Variants in SIPA1L1 observed in about 807,000 individuals in gnomAD.
SIPA1L1 encodes signal-induced proliferation-associated 1-like protein 1.
Under a neutral mutation model 162.7 loss-of-function variants are expected in SIPA1L1, and 26 were observed. The observed-to-expected ratio is 0.16, with a 90% CI of 0.12 to 0.22. The LOEUF (loss-of-function observed/expected upper bound fraction) is 0.22. Among genes scored for constraint, SIPA1L1 ranks in the 10% least tolerant of loss-of-function variants. The probability of loss-of-function intolerance (pLI) is 1.00; values close to 1 mark genes in which losing one functional copy is unlikely to be tolerated. For missense variants in SIPA1L1, 1,874 were observed against 2,241.0 expected (o/e 0.84, Z 3.31); for synonymous variants, 829 against 837.4 (o/e 0.99, Z 0.17).
intron 20 of SIPA1L1, 33 bp downstream of exon 20, chr14:71,730,334 C>T: frequency 6.2e-7 from 1 of 1,609,128 alleles, no homozygotes; most frequent in Non-Finnish European, 8.5e-7. Context: ...CCTGGATGGC[C>T]CTGTTGATGA....
intron 6 of SIPA1L1, among the ~76,000 whole-genome samples, chr14:71,620,143 C>T (rs2148515849): frequency 6.6e-6 from 1 of 152,358 alleles, no homozygotes; most frequent in Admixed American, 6.5e-5. Flanking sequence ...GATCTTGGCT[C>T]ACCGCAACCT....
chr14:71,672,436 T>C lies in SIPA1L1; in HGVS notation c.2918T>C (p.Ile973Thr). Residue 973 changes from isoleucine to threonine, a missense_variant, in exon 12 of 24, where the codon ATT becomes ACT. Coordinates refer to ENST00000381232, the MANE Select transcript of SIPA1L1 (RefSeq NM_001386936.1). Reference sequence around the variant, plus strand: ...GGCTTCCATGTCAACTATGAGGGCATTGTGGCGGATGTGGAGCCCTACGGT... The same window carrying C: ...GGCTTCCATGTCAACTATGAGGGCACTGTGGCGGATGTGGAGCCCTACGGT... Reference protein sequence around the residue: ...QLGFHVNYEGIVADVEPYGYA... With the variant: ...QLGFHVNYEGTVADVEPYGYA... 5.6e-6 allele frequency: 9 copies of C among 1,614,218 alleles called. No homozygotes were observed. Among genetic ancestry groups the C allele is most frequent in the Non-Finnish European group, 6.8e-6 (8 of 1,180,036 alleles).
chr14:71,376,306 G>A (rs960241782), intron 2 of SIPA1L1, among the ~76,000 whole-genome samples: 11 of 150,578 alleles, frequency 7.3e-5, no homozygotes, highest in African/African-American at 2.2e-4. Flanking sequence ...AAGTTGTTGA[G>A]TTTGTTGGCA....
At chr14:71,494,166 A>G (rs576900184) in intron 2 of SIPA1L1, among the ~76,000 whole-genome samples, 2 of 152,166 alleles carry the variant, frequency 1.3e-5, no homozygotes, top group Non-Finnish European at 2.9e-5. Flanking sequence ...TGGATTGTTG[A>G]ATAGAAATGG....
At chr14:71,696,194 A>G (rs553464406) in intron 13 of SIPA1L1, among the ~76,000 whole-genome samples, 6 of 152,290 alleles carry the variant, frequency 3.9e-5, no homozygotes, top group African/African-American at 1.2e-4. Context: ...ATTGGCCCAT[A>G]TTTCTCACAG....
intron 15 of SIPA1L1, 137 bp from the exon 16 acceptor site, chr14:71,705,085 C>A: frequency 1.4e-6 from 1 of 696,262 alleles, no homozygotes; most frequent in Non-Finnish European, 2.5e-6. Flanking sequence ...CAAATAGACT[C>A]TTAACAAGCT....
chr14:71,620,654 G>C (rs2039335448), intron 6 of SIPA1L1, among the ~76,000 whole-genome samples: 1 of 152,060 alleles, frequency 6.6e-6, no homozygotes, highest in Admixed American at 6.6e-5. Flanking sequence ...GTTTCCACGA[G>C]CTTCCCTTCT....
intron 10 of SIPA1L1, among the ~76,000 whole-genome samples, chr14:71,667,175 T>G (rs923043308): frequency 6.6e-6 from 1 of 152,156 alleles, no homozygotes; most frequent in African/African-American, 2.4e-5. Context: ...CTCACTCCTT[T>G]GGAGCTACTC....
At chr14:71,441,478 C>T (rs2044848548) in intron 2 of SIPA1L1, among the ~76,000 whole-genome samples, 1 of 152,222 alleles carries the variant, frequency 6.6e-6, no homozygotes, top group Non-Finnish European at 1.5e-5. Context: ...ACATAGCCAT[C>T]ATACTGCTAT....
In SIPA1L1 at chr14:71,432,339, T is replaced by C. The variant is rs1481637542; in HGVS notation, c.-464-80404T>C. Among the ~76,000 whole-genome samples, 5 of 152,172 alleles carry C rather than the reference T, an allele frequency of 3.3e-5. No homozygotes were observed. The East Asian group carries it at 9.7e-4, about 29-fold the overall frequency. On this transcript the variant is annotated intron_variant, in intron 2 of 23. Coordinates refer to ENST00000381232, the MANE Select transcript of SIPA1L1 (RefSeq NM_001386936.1). ...CCTCCTGCCTCGGCCTCCCAGATTG[T>C]TGAGATTACAAGCATAAGCCACTGT...
At chr14:71,550,485 G>C (rs2055708274) in intron 4 of SIPA1L1, among the ~76,000 whole-genome samples, 1 of 152,122 alleles carries the variant, frequency 6.6e-6, no homozygotes, top group Non-Finnish European at 1.5e-5. Flanking sequence ...TGGAAAGTGA[G>C]AGTCAAAACA....
intron 2 of SIPA1L1, among the ~76,000 whole-genome samples, chr14:71,358,396 T>C (rs12894478): frequency 0.16 from 24,949 of 152,220 alleles, 2,659 homozygotes; most frequent in Middle Eastern, 0.34. Context: ...ATAAATTTGC[T>C]CATACATAAC....
At chr14:71,724,198 A>G (rs1426610614) in intron 18 of SIPA1L1, among the ~76,000 whole-genome samples, 1 of 152,198 alleles carries the variant, frequency 6.6e-6, no homozygotes, top group Non-Finnish European at 1.5e-5. Context: ...CCCTTTGATT[A>G]TATTAATCAC....
chr14:71,380,811 T>C (rs2039831379), intron 2 of SIPA1L1, among the ~76,000 whole-genome samples: 1 of 152,184 alleles, frequency 6.6e-6, no homozygotes, highest in Admixed American at 6.5e-5. Context: ...TATGTAGTTA[T>C]TGTCATGTTT....
intron 2 of SIPA1L1, among the ~76,000 whole-genome samples, chr14:71,452,935 C>T (rs771702552): frequency 2.0e-5 from 3 of 152,272 alleles, no homozygotes; most frequent in Non-Finnish European, 4.4e-5. Flanking sequence ...ATATACTGTA[C>T]ACCAAGTTTT....
At chr14:71,612,139 T>C (rs1221092745) in intron 5 of SIPA1L1, among the ~76,000 whole-genome samples, 11 of 152,242 alleles carry the variant, frequency 7.2e-5, no homozygotes, top group Non-Finnish European at 1.3e-4. Flanking sequence ...CATTGACTTA[T>C]GGTGTTTTTT....
intron 17 of SIPA1L1, among the ~76,000 whole-genome samples, chr14:71,719,126 A>T (rs1178857054): frequency 1.3e-5 from 2 of 151,680 alleles, no homozygotes; most frequent in African/African-American, 2.4e-5. Flanking sequence ...TTTTTATGGA[A>T]ACAGGGTTCG....
rs753714304 is a variant in SIPA1L1, at chr14:71,547,292, C to CTT, written c.-303+17943_-303+17944dup. 8.0e-3 allele frequency among the ~76,000 whole-genome samples: 887 copies of CTT among 111,278 alleles called. 14 individuals carry two copies. Among genetic ancestry groups the CTT allele is most frequent in the East Asian group, 0.018 (58 of 3,200 alleles). 73.0% of individuals were successfully genotyped at this position (111,278 alleles called of 152,430 possible). On this transcript the variant is annotated intron_variant, in intron 4 of 23. Transcript: ENST00000381232. Reference sequence around the variant, plus strand: ...GATTCGTCACTTAATATGAAAATAACTTTTTTTTTTTTTTTTTTTTTTGAG... The same window carrying CTT: ...GATTCGTCACTTAATATGAAAATAACTTTTTTTTTTTTTTTTTTTTTTTTGAG...
chr14:71,366,247 A>G (rs1003236904), intron 2 of SIPA1L1, among the ~76,000 whole-genome samples: 2 of 152,110 alleles, frequency 1.3e-5, no homozygotes, highest in East Asian at 1.9e-4. Context: ...AGTCAAGACT[A>G]GAATCCAGGT....
Sources: allele counts gnomAD v4.1 joint callset (sites outside exome capture counted in the v4.1 genomes callset), GRCh38; gene constraint gnomAD v4.1.1; transcripts MANE v1.5; gene names NCBI Gene and HGNC (gene_info 2026-07-23, HGNC 2026-07-21).